Variants in SOX6 observed in about 807,000 individuals in gnomAD.
The protein encoded by SOX6 is transcription factor SOX-6.
SOX6 carries 11 observed loss-of-function variants against 97.8 expected under a neutral mutation model. The observed-to-expected ratio is 0.11, with a 90% confidence interval of 0.07 to 0.19. The LOEUF is 0.19. SOX6 is among the 10% of genes least tolerant of loss of function. The pLI, the probability that SOX6 is intolerant of heterozygous loss-of-function variation, is 1.00. For synonymous variants in SOX6, 360 were observed against 371.4 expected, an observed-to-expected ratio of 0.97 and a Z score of 0.35; for missense variants, 810 against 1,039.5, an observed-to-expected ratio of 0.78 and a Z score of 3.04.
At chr11:16,491,880 G>A (rs992278367) in intron 4 of SOX6, among the ~76,000 whole-genome samples, 7 of 152,092 alleles carry the variant, frequency 4.6e-5, no homozygotes, top group Non-Finnish European at 8.8e-5. Context: ...GTAAAACAAT[G>A]ACTAGAGATT....
chr11:16,269,188 T>A (rs1405875699), intron 3 of SOX6, among the ~76,000 whole-genome samples: 1 of 150,958 alleles, frequency 6.6e-6, no homozygotes, highest in Non-Finnish European at 1.5e-5. Flanking sequence ...ATCTATGCCC[T>A]AGTGATTTGA....
At chr11:16,719,976 A>G (rs1848247883) in intron 2 of SOX6, among the ~76,000 whole-genome samples, 1 of 152,232 alleles carries the variant, frequency 6.6e-6, no homozygotes, top group African/African-American at 2.4e-5. Flanking sequence ...TTAGTAAATT[A>G]TAAAGACATA....
intron 3 of SOX6, among the ~76,000 whole-genome samples, chr11:16,629,626 A>G (rs1848675211): frequency 6.6e-6 from 1 of 152,072 alleles, no homozygotes; most frequent in South Asian, 2.1e-4. Flanking sequence ...GATAGGAAGG[A>G]GTCCTTCCTC....
Position 16,131,945 on chromosome 11 carries a change from C to T in SOX6, c.778-20022G>A, listed in dbSNP as rs1849751023. Among the ~76,000 whole-genome samples, 3 of 151,736 alleles carry T rather than the reference C, an allele frequency of 2.0e-5. No homozygotes were observed. In the South Asian group the frequency reaches 6.2e-4, roughly 31 times the overall value. Reference sequence around the variant, plus strand: ...TAACTGCAGAGGACACAAGGAAACTCTTCGGGACTAAAAGTTACATATGGC... The same window carrying T: ...TAACTGCAGAGGACACAAGGAAACTTTTCGGGACTAAAAGTTACATATGGC... On this transcript the variant is annotated intron_variant, in intron 6 of 15. Coordinates refer to ENST00000683767, the MANE Select transcript of SOX6 (RefSeq NM_001367873.1).
At chr11:16,476,414 A>T (rs1429970811), upstream of SOX6, 1 of 152,348 alleles carries the variant, frequency 6.6e-6, no homozygotes, top group Non-Finnish European at 1.5e-5. Flanking sequence ...AAAATGAAAT[A>T]AAAAAGGATA....
intron 4 of SOX6, among the ~76,000 whole-genome samples, chr11:16,499,519 G>C (rs973576505): frequency 1.3e-5 from 2 of 152,062 alleles, no homozygotes; most frequent in South Asian, 2.1e-4. Context: ...ATGAATCCAG[G>C]AGCTGGTTTT....
chr11:16,274,919 G>C (rs1266797784), intron 3 of SOX6, among the ~76,000 whole-genome samples: 1 of 152,056 alleles, frequency 6.6e-6, no homozygotes, highest in Non-Finnish European at 1.5e-5. Context: ...GCCTAGGCAA[G>C]GGGCATTGGA....
chr11:16,353,225 C>T (rs989424592), intron 1 of SOX6, among the ~76,000 whole-genome samples: 1 of 151,952 alleles, frequency 6.6e-6, no homozygotes, highest in Non-Finnish European at 1.5e-5. Context: ...CTACAAAAGT[C>T]GGTGTTGAGA....
At chr11:16,294,852 T>A (rs1855024469) in intron 3 of SOX6, among the ~76,000 whole-genome samples, 1 of 152,098 alleles carries the variant, frequency 6.6e-6, no homozygotes, top group Non-Finnish European at 1.5e-5. Flanking sequence ...TAATTTCAAT[T>A]TCTCCTTTTC....
intron 3 of SOX6, among the ~76,000 whole-genome samples, chr11:16,306,614 T>TTTTTTTTTTTC (rs1391364609): frequency 1.9e-4 from 20 of 105,296 alleles, no homozygotes; most frequent in East Asian, 9.8e-4. Flanking sequence ...CAAATTTCTT[T>TTTTTTTTTTTC]TTTTTTTTTT....
At chr11:16,454,800 A>T (rs1859784540) in intron 1 of SOX6, among the ~76,000 whole-genome samples, 1 of 152,118 alleles carries the variant, frequency 6.6e-6, no homozygotes, top group Non-Finnish European at 1.5e-5. Context: ...ACCATAGCAT[A>T]AGGAAGACAC....
intron 1 of SOX6, among the ~76,000 whole-genome samples, chr11:16,473,181 C>T (rs1038703350): frequency 1.3e-5 from 2 of 152,050 alleles, no homozygotes; most frequent in Admixed American, 1.3e-4. Context: ...TGGTGTTTTG[C>T]AGATGGGGAA....
At chr11:16,338,666 A>C (rs983003996) in intron 2 of SOX6, among the ~76,000 whole-genome samples, 1 of 152,040 alleles carries the variant, frequency 6.6e-6, no homozygotes, top group Non-Finnish European at 1.5e-5. Context: ...CGGAATACAC[A>C]AAGGCTCCAG....
chr11:16,301,390 T>C (rs1022074976), intron 3 of SOX6, among the ~76,000 whole-genome samples: 19 of 152,168 alleles, frequency 1.2e-4, no homozygotes, highest in African/African-American at 4.3e-4. Flanking sequence ...CAGAACAATA[T>C]AGTAGAGTAT....
At chr11:16,186,667 A>C in intron 5 of SOX6, 116 bp downstream of exon 5, 2 of 1,231,068 alleles carry the variant, frequency 1.6e-6, no homozygotes, top group Middle Eastern at 2.9e-4. Context: ...ATCTTTTCTT[A>C]TTTTTATTTT....
intron 1 of SOX6, among the ~76,000 whole-genome samples, chr11:16,448,382 T>C (rs4757400): frequency 0.084 from 12,771 of 152,276 alleles, 605 homozygotes; most frequent in Non-Finnish European, 0.11. Flanking sequence ...TGACTAATCT[T>C]TAGAGCCTTT....
chr11:16,705,254 T>C (rs1310249562), intron 3 of SOX6, among the ~76,000 whole-genome samples: 4 of 149,622 alleles, frequency 2.7e-5, no homozygotes, highest in Non-Finnish European at 4.4e-5. Flanking sequence ...CAAGACTCTG[T>C]CTCAAAAAAG....
chr11:16,395,308 G>GA lies in SOX6; in HGVS notation c.-4-54057dup, dbSNP rs534608696. On this transcript the variant is annotated intron_variant, in intron 1 of 15. Coordinates refer to the SOX6 transcript ENST00000396356. Reference sequence around the variant, plus strand: ...TTGCAATATCTGCTATAAAATAAAGGATGAGAAACAAGATCCTTGCAGGGA... The same window carrying GA: ...TTGCAATATCTGCTATAAAATAAAGGAATGAGAAACAAGATCCTTGCAGGGA... 3.7e-3 allele frequency among the ~76,000 whole-genome samples: 560 copies of GA among 151,918 alleles called. 2 individuals are homozygous for GA. Among genetic ancestry groups the GA allele is most frequent in the African/African-American group, 0.012 (492 of 41,500 alleles).
At chr11:16,142,289 G>C (rs1170442977) in intron 6 of SOX6, among the ~76,000 whole-genome samples, 2 of 152,198 alleles carry the variant, frequency 1.3e-5, no homozygotes, top group Non-Finnish European at 2.9e-5. Context: ...GCAGCTGAGG[G>C]TCCTGACTGT....
Sources: allele counts gnomAD v4.1 joint callset (sites outside exome capture counted in the v4.1 genomes callset), GRCh38; gene constraint gnomAD v4.1.1; transcripts MANE v1.5; gene names NCBI Gene and HGNC (gene_info 2026-07-23, HGNC 2026-07-21).